Variants in RGN observed in about 807,000 individuals in gnomAD.
RGN encodes the protein regucalcin, also known as epididymis secretory protein Li 41.
In RGN, 19 loss-of-function variants were observed where a neutral mutation model predicts 20.6. That is an observed-to-expected ratio of 0.92 (90% CI 0.64 to 1.35). The LOEUF (loss-of-function observed/expected upper bound fraction) is 1.35, where lower values mean the gene tolerates loss of function less well. Ranked by LOEUF, RGN falls within the 40% of genes most tolerant of loss-of-function variation. RGN has a pLI of 0.00. For missense variants in RGN, 302 were observed against 232.7 expected (o/e 1.30, Z -1.94); for synonymous variants, 85 against 87.2 (o/e 0.97, Z 0.14).
chrX:47,086,151 AC>A (rs1456098952), intron 4 of RGN, among the ~76,000 whole-genome samples: 1 of 110,945 alleles, frequency 9.0e-6, no homozygotes, highest in Non-Finnish European at 1.9e-5. Context: ...AGCCAGGCCT[AC>A]CCAACTCCCC....
chrX:47,080,215 G>A (rs1314920867), intron 1 of RGN, 102 bp from the exon 2 acceptor site: 2 of 112,212 alleles, frequency 1.8e-5, no homozygotes, highest in African/African-American at 3.2e-5. Flanking sequence ...CCTGGAAACC[G>A]CCTACTCAGG....
intron 4 of RGN, among the ~76,000 whole-genome samples, chrX:47,088,569 T>C (rs1461829050): frequency 3.6e-5 from 4 of 110,775 alleles, no homozygotes; most frequent in African/African-American, 1.3e-4. Flanking sequence ...TTTCCATGTT[T>C]CTTTGTGTTG....
chrX:47,079,149 C>T lies in RGN; in HGVS notation c.-636+440C>T, dbSNP rs781801869. Among the ~76,000 whole-genome samples, 3 of 108,716 alleles carry T rather than the reference C, an allele frequency of 2.8e-5. No homozygotes were observed. The South Asian group carries it at 1.2e-3, about 43-fold the overall frequency. The allele number at this position is 108,716 out of a possible 115,157, so 94.4% of individuals were successfully genotyped here. A position where few individuals can be genotyped will look rare whatever the true frequency, so the allele number is the denominator to read the frequency against. On this transcript the variant is annotated intron_variant, in intron 1 of 7. Transcript: ENST00000397180. ...TAATTTTTTGTATTTTTTGTAGAGA[C>T]GGGCTTTCACCATGTTGCCCAGGCT...
chrX:47,084,257 A>G (rs1198658810), intron 3 of RGN, among the ~76,000 whole-genome samples, 161 bp from the exon 4 acceptor site: 1 of 111,576 alleles, frequency 9.0e-6, no homozygotes, highest in Non-Finnish European at 1.9e-5. Context: ...CAACAAATGT[A>G]CTAGGTTACA....
intron 5 of RGN, among the ~76,000 whole-genome samples, chrX:47,090,311 C>T (rs1930887647): frequency 9.0e-6 from 1 of 111,293 alleles, no homozygotes; most frequent in Admixed American, 9.7e-5. Flanking sequence ...AAGAGGTTCA[C>T]TGCAAAAGAG....
At chrX:47,090,746 T>C (rs782760536) in intron 5 of RGN, among the ~76,000 whole-genome samples, 2 of 107,588 alleles carry the variant, frequency 1.9e-5, no homozygotes, top group African/African-American at 3.4e-5. Flanking sequence ...CTTTGAAATA[T>C]GTAGTGCTCG....
chrX:47,087,190 A>C (rs2147018480), intron 4 of RGN, among the ~76,000 whole-genome samples: 1 of 111,661 alleles, frequency 9.0e-6, no homozygotes, highest in African/African-American at 3.3e-5. Flanking sequence ...GAGTTAGCCG[A>C]AGTTGATTCT....
chrX:47,089,862 A>C lies in RGN; in HGVS notation c.433A>C (p.Lys145Gln), dbSNP rs1930859668. 1 of 1,208,986 alleles carries C rather than the reference A, an allele frequency of 8.3e-7. No individual in the cohort carries two copies. The highest frequency in any genetic ancestry group is 1.1e-6 in the Non-Finnish European group (1 of 894,312). The change falls in exon 5 of 8, where the codon AAG becomes CAG. Residue 145 changes from lysine to glutamine, a missense_variant. By Grantham distance (53) the Lys-to-Gln change is moderately conservative. Coordinates refer to ENST00000397180, the MANE Select transcript of RGN (RefSeq NM_152869.4). ...CCTCTTTCCTGATCACCACGTGAAAAAGTACTTTGACCAGGTGGACATTTC... is the reference window on the plus strand; with the variant it reads ...CCTCTTTCCTGATCACCACGTGAAACAGTACTTTGACCAGGTGGACATTTC... ...YSLFPDHHVK[K>Q]YFDQVDISNG...
chrX:47,091,629 C>T, intron 5 of RGN, 49 bp from the exon 6 acceptor site: 1 of 1,173,006 alleles, frequency 8.5e-7, no homozygotes, highest in Non-Finnish European at 1.1e-6. Context: ...TATTTAGTGG[C>T]CTGTTGTTTT....
At chrX:47,090,915 G>GAAAGAA (rs1172006104) in intron 5 of RGN, among the ~76,000 whole-genome samples, 9,096 of 51,832 alleles carry the variant, frequency 0.18, 1,952 homozygotes, top group South Asian at 0.33. Flanking sequence ...GAAAGAAGAA[G>GAAAGAA]GAAAGAAAGA....
chrX:47,084,058 G>C (rs1164698183), intron 3 of RGN, among the ~76,000 whole-genome samples: 1 of 111,129 alleles, frequency 9.0e-6, no homozygotes, highest in Non-Finnish European at 1.9e-5. Flanking sequence ...CACTCGCTCT[G>C]TGATGACTGT....
At position 47,081,142 on chromosome X, in the gene RGN, A is replaced by C. The variant is rs1930279602; in HGVS notation, c.-3A>C. 4 of 1,205,179 alleles carry C rather than the reference A, an allele frequency of 3.3e-6. No individual in the cohort carries two copies. The highest frequency in any genetic ancestry group is 2.3e-4 in the Middle Eastern group (1 of 4,338). On this transcript the variant is annotated 5_prime_UTR_variant, in exon 3 of 8. Coordinates refer to ENST00000397180, the MANE Select transcript of RGN (RefSeq NM_152869.4). ...TTACCTTCAATAGATCTCCCCTGCG[A>C]CCATGTCTTCCATTAAGATTGAGTG...
At chrX:47,090,937 A>AAGAAAGAAAG in intron 5 of RGN, among the ~76,000 whole-genome samples, 1 of 48,448 alleles carries the variant, frequency 2.1e-5, no homozygotes, top group Non-Finnish European at 4.7e-5. Flanking sequence ...AGAAAGAAAG[A>AAGAAAGAAAG]AAGAAAGAAA....
Position 47,092,157 on chromosome X carries a change from G to T in RGN, c.791G>T (p.Arg264Leu), listed in dbSNP as rs911831433. The T allele has an allele frequency of 8.3e-6, 10 of 1,199,528 alleles. No individual in the cohort carries two copies. Among genetic ancestry groups the T allele is most frequent in the Non-Finnish European group, 1.1e-5 (10 of 888,458 alleles). The change falls in exon 7 of 8, where the codon CGG becomes CTG. Residue 264 changes from arginine to leucine, a missense_variant. Physicochemically the swap from Arg to Leu is moderately radical, Grantham distance 102 (BLOSUM62 -2). Coordinates refer to ENST00000397180, the MANE Select transcript of RGN (RefSeq NM_152869.4). ...TCTGAAATGTATGTGACCTGCGCCC[G>T]GGATGGGATGGACCCCGAGGGTCTT... ...NYSEMYVTCA[R>L]DGMDPEGLLR...
rs1467430863 is a variant in RGN, at chrX:47,079,880, G to A, written c.-635-437G>A. Among the ~76,000 whole-genome samples, 10 of 111,199 alleles carry A rather than the reference G, an allele frequency of 9.0e-5. No individual in the cohort carries two copies. The Admixed American group carries it at 9.6e-4, about 11-fold the overall frequency. On this transcript the variant is annotated intron_variant, in intron 1 of 7. Coordinates refer to ENST00000397180, the MANE Select transcript of RGN (RefSeq NM_152869.4). ...CCCTGGGAGAAGGATGAAGATGCAG[G>A]CCATTTTTATTTATTTATTTAGAGA...
Position 47,089,973 on chromosome X carries a change from C to G in RGN, c.544C>G (p.Leu182Val). The change falls in exon 5 of 8, where the codon CTG (leucine) becomes GTG (valine). Residue 182 changes from leucine to valine, a missense_variant. Coordinates refer to ENST00000397180, the MANE Select transcript of RGN (RefSeq NM_152869.4). ...CTCCGTGGATGCCTTTGACTATGAC[C>G]TGCAGACAGGACAGATCTGTATGTA... Reference protein sequence around the residue: ...SYSVDAFDYDLQTGQISNRRS... With the variant: ...SYSVDAFDYDVQTGQISNRRS... The G allele has an allele frequency of 1.7e-6, 2 of 1,191,240 alleles. No homozygotes were observed. The highest frequency in any genetic ancestry group is 3.0e-5 in the East Asian group (1 of 33,461).
Position 47,092,903 on chromosome X carries a change from G to T in RGN, c.856G>T (p.Gly286Cys), listed in dbSNP as rs1931074024. The change falls in exon 8 of 8, where the codon GGT becomes TGT. Residue 286 changes from glycine to cysteine, a missense_variant. By Grantham distance (159) the Gly-to-Cys change is radical. Transcript: ENST00000397180. ...CTCTTTTCTTTTTCAACAGATAACT[G>T]GTCTGGGGGTCAAAGGAATTGCTCC... ...PEAGGIFKIT[G>C]LGVKGIAPYS... 2 of 1,204,534 alleles carry T rather than the reference G, an allele frequency of 1.7e-6. No homozygotes were observed. The highest frequency in any genetic ancestry group is 2.2e-6 in the Non-Finnish European group (2 of 889,652).
Position 47,080,921 on chromosome X carries a change from G to T in RGN, c.-31G>T. The T allele has an allele frequency of 2.8e-6, 1 of 356,739 alleles. No individual in the cohort carries two copies. The allele number at this position is 356,739 out of a possible 1,213,427, so 29.4% of individuals were successfully genotyped here. On this transcript the variant is annotated 5_prime_UTR_variant, in exon 2 of 8. Coordinates refer to ENST00000397180, the MANE Select transcript of RGN (RefSeq NM_152869.4). ...TTGTTTTCTTTTTGAAAGATCATTC[G>T]AGAAACACGTCACTGGTAAGTTGGT...
Position 47,093,078 on chromosome X carries a change from C to T in RGN, c.*131C>T, listed in dbSNP as rs904046087. 8 of 516,643 alleles carry T rather than the reference C, an allele frequency of 1.5e-5. No homozygotes were observed. In the African/African-American group the frequency reaches 1.9e-4, roughly 12 times the overall value. 42.6% of individuals were successfully genotyped at this position (516,643 alleles called of 1,213,427 possible). ...AACAGCGTTAAGTTTTAATTTACAA[C>T]TTTTAAAAGGCAGAGCATTTTTAAC... On this transcript the variant is annotated 3_prime_UTR_variant, in exon 8 of 8. Coordinates refer to ENST00000397180, the MANE Select transcript of RGN (RefSeq NM_152869.4).
Sources: allele counts gnomAD v4.1 joint callset (sites outside exome capture counted in the v4.1 genomes callset), GRCh38; gene constraint gnomAD v4.1.1; transcripts MANE v1.5; gene names NCBI Gene and HGNC (gene_info 2026-07-23, HGNC 2026-07-21).